CASK: variants seen among roughly 807,000 people sequenced by gnomAD.
The protein encoded by CASK is peripheral plasma membrane protein CASK.
CASK carries 4 observed loss-of-function variants against 82.9 expected under a neutral mutation model. The ratio of observed to expected loss-of-function variants is 0.05; its 90% CI spans 0.02 to 0.11. The LOEUF (loss-of-function observed/expected upper bound fraction) is 0.11. CASK is among the 10% of genes least tolerant of loss of function. The pLI, the probability that CASK is intolerant of heterozygous loss-of-function variation, is 1.00. For synonymous variants in CASK, 259 were observed against 253.5 expected (o/e 1.02, Z -0.20); for missense variants, 358 against 720.9 (o/e 0.50, Z 5.76).
At chrX:41,920,258 T>C (rs1304295893) in intron 1 of CASK, among the ~76,000 whole-genome samples, 2 of 112,370 alleles carry the variant, frequency 1.8e-5, no homozygotes, top group Non-Finnish European at 3.8e-5. Flanking sequence ...TTTCAGTACA[T>C]GTGAATATCT....
intron 20 of CASK, among the ~76,000 whole-genome samples, chrX:41,554,887 A>G (rs747338999): frequency 8.9e-6 from 1 of 112,160 alleles, no homozygotes; most frequent in Non-Finnish European, 1.9e-5. Flanking sequence ...CTATCTCTTG[A>G]AATTAAAATT....
At chrX:41,900,011 A>C (rs1247054426) in intron 1 of CASK, among the ~76,000 whole-genome samples, 1 of 109,067 alleles carries the variant, frequency 9.2e-6, no homozygotes, top group African/African-American at 3.3e-5. Flanking sequence ...CAGCCTTTCC[A>C]GGTATATAAT....
At chrX:41,657,082 G>A (rs2066953514) in intron 8 of CASK, among the ~76,000 whole-genome samples, 1 of 111,926 alleles carries the variant, frequency 8.9e-6, no homozygotes, top group Non-Finnish European at 1.9e-5. Context: ...CTGCATGGGA[G>A]TGGACTGAGG....
intron 3 of CASK, among the ~76,000 whole-genome samples, chrX:41,776,038 TAATA>T (rs1352703536): frequency 9.0e-6 from 1 of 111,029 alleles, no homozygotes; most frequent in Non-Finnish European, 1.9e-5. Flanking sequence ...GGTATAATAA[TAATA>T]AATAAAATTA....
At chrX:41,550,056 G>C (rs1198923976) in intron 21 of CASK, among the ~76,000 whole-genome samples, 1 of 110,352 alleles carries the variant, frequency 9.1e-6, no homozygotes, top group Non-Finnish European at 1.9e-5. Context: ...AGCTACTCGG[G>C]AGGCTGAGGC....
intron 11 of CASK, among the ~76,000 whole-genome samples, chrX:41,614,663 A>C (rs1293949022): frequency 9.0e-6 from 1 of 110,860 alleles, no homozygotes; most frequent in African/African-American, 3.3e-5. Flanking sequence ...CGGGGATTAC[A>C]GGTGCGTGCC....
intron 11 of CASK, among the ~76,000 whole-genome samples, chrX:41,614,450 G>C (rs2066159833): frequency 8.9e-6 from 1 of 111,834 alleles, no homozygotes; most frequent in Non-Finnish European, 1.9e-5. Flanking sequence ...TAATTATCTG[G>C]GGCTTCATCC....
chrX:41,565,791 A>C (rs773331995), intron 16 of CASK, among the ~76,000 whole-genome samples: 387 of 111,745 alleles, frequency 3.5e-3, no homozygotes, highest in Non-Finnish European at 6.4e-3. Flanking sequence ...AAAAAACAGA[A>C]TTTTAGACCA....
At chrX:41,820,897 C>G (rs1236266992) in intron 2 of CASK, among the ~76,000 whole-genome samples, 1 of 111,155 alleles carries the variant, frequency 9.0e-6, no homozygotes, top group Non-Finnish European at 1.9e-5. Context: ...GAGCGAATGG[C>G]TACCCATGAA....
intron 2 of CASK, among the ~76,000 whole-genome samples, chrX:41,829,525 G>A (rs1004981534): frequency 3.2e-5 from 3 of 94,836 alleles, no homozygotes; most frequent in Non-Finnish European, 6.2e-5. Flanking sequence ...ATGTCATTCC[G>A]CCACTGTTGG....
chrX:41,536,490 C>T (rs1000056582), intron 22 of CASK, among the ~76,000 whole-genome samples: 1 of 111,442 alleles, frequency 9.0e-6, no homozygotes, highest in Non-Finnish European at 1.9e-5. Flanking sequence ...CTGTGAATAT[C>T]ACCTTAGTTC....
intron 1 of CASK, among the ~76,000 whole-genome samples, chrX:41,916,344 G>A (rs1292299097): frequency 2.7e-5 from 3 of 111,971 alleles, no homozygotes; most frequent in East Asian, 5.6e-4. Context: ...CAGGGTAGAA[G>A]TCAGAGACTC....
In CASK at chrX:41,791,409, C is replaced by T. The variant is rs1165045584; in HGVS notation, c.173-4126G>A. On this transcript the variant is annotated intron_variant, in intron 2 of 26. Transcript: ENST00000378163. Reference sequence around the variant, plus strand: ...AATATACAATGTTTGGTTTTCCATTCCTGAGTTACTTCACTTAGAATAATG... The same window carrying T: ...AATATACAATGTTTGGTTTTCCATTTCTGAGTTACTTCACTTAGAATAATG... Among the ~76,000 whole-genome samples, 26 of 108,788 alleles carry T rather than the reference C, an allele frequency of 2.4e-4. No individual in the cohort carries two copies. The Admixed American group carries it at 2.6e-3, about 11-fold the overall frequency. The allele number at this position is 108,788 out of a possible 115,157, so 94.5% of individuals were successfully genotyped here. A position where few individuals can be genotyped will look rare whatever the true frequency, so the allele number is the denominator to read the frequency against.
At position 41,878,088 on chromosome X, in the gene CASK, G is replaced by A. The variant is rs746332290; in HGVS notation, c.60-24861C>T. On this transcript the variant is annotated intron_variant, in intron 1 of 26. Transcript: ENST00000378163. The stretch of plus-strand genomic sequence containing the variant: ...TTTTAAGCGAAATAAGTAGACTCTG[G>A]TGCTTCAATTTTAAAGCACCAACTT... 2.1e-3 allele frequency among the ~76,000 whole-genome samples: 230 copies of A among 109,786 alleles called. 1 individual carries two copies. The highest frequency in any genetic ancestry group is 4.7e-3 in the Middle Eastern group (1 of 215).
In CASK at chrX:41,555,622, G is replaced by A; in HGVS notation, c.1820C>T (p.Thr607Ile). ...TNNSVSDLPS[T>I]TQPKGRQIYV... ...CACCTGTCGTCCTTTTGGTTGGGTAGTTGATGGCAAGTCCTGTAGAATAAA... is the reference window on the plus strand; with the variant it reads ...CACCTGTCGTCCTTTTGGTTGGGTAATTGATGGCAAGTCCTGTAGAATAAA... The change falls in exon 20 of 27, where the codon ACT becomes ATT. Residue 607 changes from threonine to isoleucine, a missense_variant. Coordinates refer to ENST00000378163, the MANE Select transcript of CASK (RefSeq NM_001367721.1). The A allele has an allele frequency of 8.3e-7, 1 of 1,203,876 alleles. No homozygotes were observed. The highest frequency in any genetic ancestry group is 1.1e-6 in the Non-Finnish European group (1 of 888,524).
intron 25 of CASK, 66 bp from the exon 26 acceptor site, chrX:41,524,100 G>C: frequency 1.2e-6 from 1 of 830,346 alleles, no homozygotes; most frequent in Non-Finnish European, 1.7e-6. Context: ...ACTTTCAAAT[G>C]AGTCTATAAA....
intron 11 of CASK, 128 bp from the exon 12 acceptor site, chrX:41,610,153 T>TTCA: frequency 1.6e-6 from 1 of 642,059 alleles, no homozygotes; most frequent in Non-Finnish European, 2.5e-6. Flanking sequence ...GTGTCTTTAC[T>TTCA]GAAGGATAGA....
chrX:41,534,652 A>ACT, intron 24 of CASK, 54 bp downstream of exon 24: 1 of 910,898 alleles, frequency 1.1e-6, no homozygotes, highest in Non-Finnish European at 1.6e-6. Flanking sequence ...TAAATTATAG[A>ACT]GTTAAAAAAG....
intron 3 of CASK, among the ~76,000 whole-genome samples, chrX:41,781,058 A>G (rs1481200560): frequency 9.0e-6 from 1 of 111,109 alleles, no homozygotes; most frequent in East Asian, 2.8e-4. Context: ...CTCCCACCTC[A>G]GCCTCCCAAG....
Sources: gnomAD v4.1 joint callset for allele counts (sites outside exome capture counted in the v4.1 genomes callset) on GRCh38, gnomAD v4.1.1 for gene constraint, MANE v1.5 for transcripts, NCBI Gene and HGNC (gene_info 2026-07-23, HGNC 2026-07-21) for gene names.